SOX6: variants seen among roughly 807,000 people sequenced by gnomAD.
SOX6 encodes the protein transcription factor SOX-6.
SOX6 carries 11 observed loss-of-function variants against 97.8 expected under a neutral mutation model. That is an observed-to-expected ratio of 0.11 (90% CI 0.07 to 0.19). SOX6 has a LOEUF of 0.19. SOX6 is among the 10% of genes least tolerant of loss of function. The pLI, the probability that SOX6 is intolerant of heterozygous loss-of-function variation, is 1.00. For synonymous variants in SOX6, 360 were observed against 371.4 expected, an observed-to-expected ratio of 0.97 and a Z score of 0.35; for missense variants, 810 against 1,039.5, an observed-to-expected ratio of 0.78 and a Z score of 3.04.
intron 3 of SOX6, among the ~76,000 whole-genome samples, chr11:16,691,064 T>C (rs910727741): frequency 9.2e-5 from 14 of 152,206 alleles, no homozygotes; most frequent in Non-Finnish European, 1.0e-4. Context: ...TTTTTTGTTC[T>C]TTGTTTCTTT....
chr11:16,492,909 T>A (rs1258195782), intron 4 of SOX6, among the ~76,000 whole-genome samples: 5 of 152,166 alleles, frequency 3.3e-5, no homozygotes, highest in African/African-American at 1.2e-4. Context: ...AAATAAAAAT[T>A]ATGAGATGTC....
In SOX6 at chr11:16,141,111, C is replaced by CA. The variant is rs763775070; in HGVS notation, c.778-29189dup. Among the ~76,000 whole-genome samples the CA allele has an allele frequency of 8.6e-3, 1,098 of 127,920 alleles. 8 individuals are homozygous for CA. Among genetic ancestry groups the CA allele is most frequent in the African/African-American group, 0.022 (789 of 35,276 alleles). 83.9% of individuals were successfully genotyped at this position (127,920 alleles called of 152,430 possible). A position where few individuals can be genotyped will look rare whatever the true frequency, so the allele number is the denominator to read the frequency against. ...CCTAGGCAAGAGCAAGACTTCACCT[C>CA]AAAAAAAAAAAAAAATCTCTTCATG... On this transcript the variant is annotated intron_variant, in intron 6 of 15. Transcript: ENST00000683767.
At chr11:16,428,447 T>A (rs1040690247) in intron 1 of SOX6, among the ~76,000 whole-genome samples, 1 of 152,230 alleles carries the variant, frequency 6.6e-6, no homozygotes, top group Admixed American at 6.5e-5. Flanking sequence ...TCTAGGGTTT[T>A]TATGGTTTTA....
chr11:16,265,917 A>T (rs200473238), intron 3 of SOX6, among the ~76,000 whole-genome samples: 1 of 1,234 alleles, frequency 8.1e-4, no homozygotes, highest in Non-Finnish European at 0.042. Flanking sequence ...CAGAAAATGT[A>T]AAAAAAAATG....
At chr11:16,162,629 A>G (rs1477346354) in intron 6 of SOX6, among the ~76,000 whole-genome samples, 1 of 152,258 alleles carries the variant, frequency 6.6e-6, no homozygotes, top group Admixed American at 6.5e-5. Flanking sequence ...CTGAGGCTTC[A>G]TAAAAAGCCA....
Position 16,469,925 on chromosome 11 carries a change from G to A in SOX6, c.-5+6390C>T, listed in dbSNP as rs79132090. Among the ~76,000 whole-genome samples the A allele has an allele frequency of 6.2e-3, 948 of 152,034 alleles. 13 individuals are homozygous for A. Among genetic ancestry groups the A allele is most frequent in the African/African-American group, 0.021 (860 of 41,510 alleles). ...AAATTAGAAACAGAAAGTAGAGAGG[G>A]CAAAAAGAACAAGTATCTAAGGGAC... On this transcript the variant is annotated intron_variant, in intron 1 of 15. Coordinates refer to the SOX6 transcript ENST00000396356.
At chr11:16,040,175 C>T (rs1855622223) in intron 12 of SOX6, among the ~76,000 whole-genome samples, 1 of 151,748 alleles carries the variant, frequency 6.6e-6, no homozygotes, top group South Asian at 2.1e-4. Context: ...ATAAATAAAA[C>T]TCAAGGCTTT....
intron 4 of SOX6, among the ~76,000 whole-genome samples, chr11:16,227,500 C>G (rs1286485188): frequency 6.6e-6 from 1 of 151,912 alleles, no homozygotes; most frequent in Non-Finnish European, 1.5e-5. Context: ...GTGGTGCAAT[C>G]ACAGTCTCAA....
chr11:16,022,296 G>A (rs1336883365), intron 12 of SOX6, among the ~76,000 whole-genome samples: 3 of 147,708 alleles, frequency 2.0e-5, no homozygotes, highest in Non-Finnish European at 4.5e-5. Flanking sequence ...CATAACCAAA[G>A]ATGCTTTGTT....
intron 3 of SOX6, among the ~76,000 whole-genome samples, chr11:16,297,696 A>T (rs1565076574): frequency 6.6e-6 from 1 of 152,182 alleles, no homozygotes; most frequent in Admixed American, 6.6e-5. Flanking sequence ...TATGCTGGAG[A>T]CAGAGTCACT....
chr11:15,988,734 G>A (rs1811641423), intron 14 of SOX6, among the ~76,000 whole-genome samples: 1 of 152,216 alleles, frequency 6.6e-6, no homozygotes, highest in African/African-American at 2.4e-5. Context: ...ACTATAAATA[G>A]TTTTGTCTCT....
intron 3 of SOX6, among the ~76,000 whole-genome samples, chr11:16,284,519 C>A (rs1363978232): frequency 1.3e-5 from 2 of 151,998 alleles, no homozygotes; most frequent in Non-Finnish European, 2.9e-5. Flanking sequence ...TTAATATAAT[C>A]TTTTATATTC....
At chr11:16,133,191 T>G (rs1012428975) in intron 6 of SOX6, among the ~76,000 whole-genome samples, 1 of 152,232 alleles carries the variant, frequency 6.6e-6, no homozygotes, top group Non-Finnish European at 1.5e-5. Context: ...AGTGCTCTCC[T>G]AAACAAATGG....
chr11:16,546,419 C>T (rs1847621217), intron 4 of SOX6, among the ~76,000 whole-genome samples: 1 of 152,052 alleles, frequency 6.6e-6, no homozygotes, highest in African/African-American at 2.4e-5. Context: ...GACACACAGA[C>T]TCATGGAACA....
chr11:16,318,422 C>T, intron 3 of SOX6, 24 bp downstream of exon 3: 1 of 1,610,206 alleles, frequency 6.2e-7, no homozygotes, highest in Non-Finnish European at 8.5e-7. Flanking sequence ...AAAAACAGAG[C>T]CCAACAGTGA....
chr11:16,340,568 T>A (rs1856598355), intron 2 of SOX6, among the ~76,000 whole-genome samples: 1 of 152,088 alleles, frequency 6.6e-6, no homozygotes, highest in African/African-American at 2.4e-5. Flanking sequence ...GAATGACCAT[T>A]AAAAGTGATA....
intron 4 of SOX6, among the ~76,000 whole-genome samples, chr11:16,213,883 T>G (rs1852295329): frequency 1.3e-5 from 2 of 152,214 alleles, no homozygotes. Context: ...TATTATTTCT[T>G]GGCTTCTTTA....
chr11:16,380,969 T>A lies in SOX6; in HGVS notation c.-4-39717A>T, dbSNP rs182383402. ...ATATGATCTTGAGCAAGCCAAATAA[T>A]CTCTCCAAGTTTTAGATTCCTTGTC... is the stretch of plus-strand genomic sequence containing the variant. On this transcript the variant is annotated intron_variant, in intron 1 of 15. Coordinates refer to the SOX6 transcript ENST00000396356. Among the ~76,000 whole-genome samples the A allele has an allele frequency of 1.3e-4, 19 of 151,688 alleles. No individual in the cohort carries two copies. In the East Asian group the frequency reaches 2.3e-3, roughly 19 times the overall value.
intron 13 of SOX6, among the ~76,000 whole-genome samples, chr11:15,997,657 T>C (rs1418990859): frequency 6.6e-6 from 1 of 152,064 alleles, no homozygotes; most frequent in African/African-American, 2.4e-5. Context: ...GCTCAGGAAA[T>C]TAGTATTAAA....
Sources: gnomAD v4.1 joint callset for allele counts (sites outside exome capture counted in the v4.1 genomes callset) on GRCh38, gnomAD v4.1.1 for gene constraint, MANE v1.5 for transcripts, NCBI Gene and HGNC (gene_info 2026-07-23, HGNC 2026-07-21) for gene names.